The following CCBE1 variants were observed in gnomAD, a reference collection of about 807,000 sequenced individuals.
CCBE1 encodes collagen and calcium binding EGF domains 1.
A neutral mutation model predicts 50.0 loss-of-function variants in CCBE1; 37 were observed. The ratio of observed to expected loss-of-function variants is 0.74; its 90% confidence interval spans 0.57 to 0.97. The LOEUF (loss-of-function observed/expected upper bound fraction) is 0.97. Among genes scored for constraint, CCBE1 ranks in the 50% least tolerant of loss-of-function variants. The pLI is 0.00. For missense variants in CCBE1, 538 were observed against 523.8 expected, an observed-to-expected ratio of 1.03 and a Z score of -0.26; for synonymous variants, 234 against 203.7, an observed-to-expected ratio of 1.15 and a Z score of -1.27.
intron 2 of CCBE1, among the ~76,000 whole-genome samples, chr18:59,488,998 A>C (rs1912962559): frequency 6.6e-6 from 1 of 152,244 alleles, no homozygotes; most frequent in South Asian, 2.1e-4. Context: ...GCCAGTCCTC[A>C]GTGACAGTAA....
At chr18:59,484,783 C>T (rs997489208) in intron 2 of CCBE1, among the ~76,000 whole-genome samples, 4 of 152,120 alleles carry the variant, frequency 2.6e-5, no homozygotes, top group African/African-American at 4.8e-5. Flanking sequence ...TCTGTCTTCC[C>T]TAGAGTTCCT....
chr18:59,551,546 A>G (rs150022025), intron 2 of CCBE1, among the ~76,000 whole-genome samples: 1 of 152,366 alleles, frequency 6.6e-6, no homozygotes, highest in East Asian at 1.9e-4. Flanking sequence ...TTTTTCAGCT[A>G]CATTATAACC....
At chr18:59,472,756 C>T (rs142179544) in intron 3 of CCBE1, among the ~76,000 whole-genome samples, 260 of 152,282 alleles carry the variant, frequency 1.7e-3, no homozygotes, top group African/African-American at 6.0e-3. Context: ...TCTGTTCTCA[C>T]GCTGCTAATA....
chr18:59,484,075 T>C (rs1912702213), intron 2 of CCBE1, among the ~76,000 whole-genome samples: 1 of 152,118 alleles, frequency 6.6e-6, no homozygotes, highest in South Asian at 2.1e-4. Flanking sequence ...AAGTACAGGG[T>C]CCACCTTTAT....
intron 2 of CCBE1, among the ~76,000 whole-genome samples, chr18:59,607,817 G>A (rs1216755883): frequency 1.3e-5 from 2 of 152,202 alleles, no homozygotes; most frequent in African/African-American, 4.8e-5. Flanking sequence ...GCTCACTCCT[G>A]TAATCCCAGC....
At chr18:59,586,275 T>C (rs770970507) in intron 2 of CCBE1, among the ~76,000 whole-genome samples, 6 of 152,186 alleles carry the variant, frequency 3.9e-5, no homozygotes, top group Non-Finnish European at 4.4e-5. Flanking sequence ...CCCTCTTCTT[T>C]CCATTTCAAC....
At chr18:59,609,949 T>C (rs1373232812) in intron 2 of CCBE1, among the ~76,000 whole-genome samples, 4 of 152,218 alleles carry the variant, frequency 2.6e-5, no homozygotes, top group Non-Finnish European at 5.9e-5. Context: ...ATTCATGCAA[T>C]GGGATATGAT....
At chr18:59,559,721 A>T (rs879641314) in intron 2 of CCBE1, among the ~76,000 whole-genome samples, 2 of 152,192 alleles carry the variant, frequency 1.3e-5, no homozygotes, top group African/African-American at 2.4e-5. Context: ...GCAGAGCTGC[A>T]TTTATTAACA....
intron 2 of CCBE1, among the ~76,000 whole-genome samples, chr18:59,612,599 G>A (rs963985682): frequency 2.6e-5 from 4 of 152,226 alleles, no homozygotes; most frequent in African/African-American, 9.7e-5. Context: ...ACTGGGCTAA[G>A]AGCCTGCAGA....
Position 59,438,131 on chromosome 18 carries a change from G to A in CCBE1, c.967C>T (p.Pro323Ser), listed in dbSNP as rs1405252584. Residue 323 changes from proline to serine, a missense_variant, in exon 10 of 11, where the codon CCT becomes TCT. Pro to Ser is a moderately conservative substitution (Grantham distance 74). Transcript: ENST00000439986. Reference protein sequence around the residue: ...RDGSKGERGAPGPRGSPGPPG... With the variant: ...RDGSKGERGASGPRGSPGPPG... ...CTTACTGGAGACCCTCTGGGCCCAG[G>A]CGCTCCTCTCTCCCCCTAAAAACAG... is the stretch of plus-strand genomic sequence containing the variant. 1 of 1,614,102 alleles carries A rather than the reference G, an allele frequency of 6.2e-7. No individual in the cohort carries two copies. The highest frequency in any genetic ancestry group is 8.5e-7 in the Non-Finnish European group (1 of 1,180,016).
intron 2 of CCBE1, among the ~76,000 whole-genome samples, chr18:59,525,367 A>C (rs1334752380): frequency 6.6e-6 from 1 of 152,176 alleles, no homozygotes; most frequent in Non-Finnish European, 1.5e-5. Flanking sequence ...TGGCCACATA[A>C]ATGTCTTCTG....
At chr18:59,524,098 A>C (rs1286567600) in intron 2 of CCBE1, among the ~76,000 whole-genome samples, 1 of 152,212 alleles carries the variant, frequency 6.6e-6, no homozygotes, top group Non-Finnish European at 1.5e-5. Context: ...AGGCAGGCAG[A>C]TTGCTTGAGG....
intron 2 of CCBE1, among the ~76,000 whole-genome samples, chr18:59,487,261 G>A (rs1387686832): frequency 6.6e-6 from 1 of 151,688 alleles, no homozygotes; most frequent in Non-Finnish European, 1.5e-5. Flanking sequence ...AAGGGAGTCT[G>A]GAAGAGATTT....
At chr18:59,638,081 CTG>C in intron 2 of CCBE1, among the ~76,000 whole-genome samples, 2 of 152,254 alleles carry the variant, frequency 1.3e-5, no homozygotes, top group South Asian at 4.2e-4. Flanking sequence ...TATCGGAAAA[CTG>C]TTTCTCACCA....
At chr18:59,575,336 G>C (rs771451794) in intron 2 of CCBE1, among the ~76,000 whole-genome samples, 4 of 152,178 alleles carry the variant, frequency 2.6e-5, no homozygotes, top group Non-Finnish European at 5.9e-5. Context: ...ACTGCACCAG[G>C]TGTGGATCAC....
chr18:59,690,187 C>T (rs1383971678), intron 2 of CCBE1, among the ~76,000 whole-genome samples: 1 of 152,058 alleles, frequency 6.6e-6, no homozygotes, highest in Non-Finnish European at 1.5e-5. Flanking sequence ...ATTGTAAGTA[C>T]CCAACAAGTA....
chr18:59,448,847 G>A (rs1288189644), intron 6 of CCBE1, among the ~76,000 whole-genome samples: 1 of 152,154 alleles, frequency 6.6e-6, no homozygotes, highest in Non-Finnish European at 1.5e-5. Context: ...CTTCAAGTCA[G>A]GGCTCATGAT....
intron 2 of CCBE1, among the ~76,000 whole-genome samples, chr18:59,584,127 T>A (rs2053138323): frequency 1.3e-5 from 2 of 151,942 alleles, no homozygotes; most frequent in African/African-American, 4.8e-5. Context: ...TAGACTGGAT[T>A]AAGGAAATGT....
At position 59,447,839 on chromosome 18, in the gene CCBE1, A is replaced by T; in HGVS notation, c.775+144T>A. Reference sequence around the variant, plus strand: ...CCTATTTCCCAGGCTCTCTCATTGCATGGGTGTGTGGCAGTCCCATGGACA... The same window carrying T: ...CCTATTTCCCAGGCTCTCTCATTGCTTGGGTGTGTGGCAGTCCCATGGACA... On this transcript the variant is annotated intron_variant, in intron 7 of 10. Coordinates refer to ENST00000439986, the MANE Select transcript of CCBE1 (RefSeq NM_133459.4). The T allele has an allele frequency of 3.3e-6, 4 of 1,218,552 alleles. No individual in the cohort carries two copies. The South Asian group carries it at 5.3e-5, about 16-fold the overall frequency. The allele number at this position is 1,218,552 out of a possible 1,614,324, so 75.5% of individuals were successfully genotyped here. A position where few individuals can be genotyped will look rare whatever the true frequency, so the allele number is the denominator to read the frequency against.
Sources: gnomAD v4.1 joint callset for allele counts (sites outside exome capture counted in the v4.1 genomes callset) on GRCh38, gnomAD v4.1.1 for gene constraint, MANE v1.5 for transcripts, NCBI Gene and HGNC (gene_info 2026-07-23, HGNC 2026-07-21) for gene names.